Variants in TEX2 observed in about 807,000 individuals in gnomAD.
TEX2 encodes the protein testis expressed 2, also known as testis-expressed protein 2.
TEX2 carries 53 observed loss-of-function variants against 106.9 expected under a neutral mutation model. The ratio of observed to expected loss-of-function variants is 0.50; its 90% CI spans 0.40 to 0.62. TEX2 has a LOEUF of 0.62. Among genes scored for constraint, TEX2 ranks in the 20% least tolerant of loss-of-function variants. The pLI is 0.00. For missense variants in TEX2, 1,207 were observed against 1,379.0 expected (o/e 0.88, Z 1.98); for synonymous variants, 523 against 534.8 (o/e 0.98, Z 0.30).
chr17:64,197,597 C>A (rs924384903), intron 2 of TEX2, among the ~76,000 whole-genome samples: 1 of 152,100 alleles, frequency 6.6e-6, no homozygotes, highest in Non-Finnish European at 1.5e-5. Context: ...CTTTCTCTGT[C>A]ATCCTGGCTG....
intron 1 of TEX2, among the ~76,000 whole-genome samples, chr17:64,222,518 C>CAAAAAAA (rs11296538): frequency 1.8e-4 from 18 of 99,112 alleles, no homozygotes; most frequent in African/African-American, 2.3e-4. Flanking sequence ...TTCCAACTCA[C>CAAAAAAA]AAAAAAAAAA....
rs1201322676 is a variant in TEX2 at position 64,160,982 on chromosome 17, CATGACTATAA to C, written c.2672-59_2672-50del. 4.4e-6 allele frequency: 7 copies of C among 1,590,754 alleles called. No individual in the cohort carries two copies. The African/African-American group carries it at 9.5e-5, about 22-fold the overall frequency. ...AAGGTTTTTTTCCCTCAAAAAAACA[CATGACTATAA>C]ATGACTTACATTTAAAAATATCTAA... On this transcript the variant is annotated intron_variant, in intron 7 of 11. Coordinates refer to ENST00000584379, the MANE Select transcript of TEX2 (RefSeq NM_001288732.2).
intron 7 of TEX2, among the ~76,000 whole-genome samples, 154 bp from the exon 8 acceptor site, chr17:64,161,087 T>C (rs961644985): frequency 2.6e-5 from 4 of 152,176 alleles, no homozygotes; most frequent in Non-Finnish European, 4.4e-5. Context: ...GAGCACATTG[T>C]GCCATCGACA....
intron 11 of TEX2, 121 bp downstream of exon 11, chr17:64,150,720 G>C: frequency 9.3e-7 from 1 of 1,071,558 alleles, no homozygotes. Flanking sequence ...ATACTCTTCC[G>C]GGATGAAGGT....
chr17:64,257,455 C>G (rs1288494255), intron 1 of TEX2, among the ~76,000 whole-genome samples: 1 of 152,228 alleles, frequency 6.6e-6, no homozygotes, highest in Non-Finnish European at 1.5e-5. Context: ...CATAGCCAAC[C>G]AAGTTCTGAA....
At position 64,193,685 on chromosome 17, in the gene TEX2, C is replaced by G; in HGVS notation, c.2050G>C (p.Asp684His). ...CTCCCAAAGAGATAGAGTATCTGAT[C>G]TCGCTGGCTAGATCTTGTTCCCTCC... ...PQEGTRSSQR[D>H]QILYLFGRTG... Residue 684 changes from aspartate to histidine, a missense_variant, in exon 4 of 12, where the codon GAT (aspartate) becomes CAT (histidine). Physicochemically the swap from Asp to His is moderately conservative, Grantham distance 81. Around this residue, in one of 3 missense-constraint regions of TEX2, gnomAD observed 1,067 missense variants for 1,193.6 expected, o/e 0.89. Coordinates refer to ENST00000584379, the MANE Select transcript of TEX2 (RefSeq NM_001288732.2). The G allele has an allele frequency of 1.2e-6, 2 of 1,604,086 alleles. No individual in the cohort carries two copies. The highest frequency in any genetic ancestry group is 8.5e-7 in the Non-Finnish European group (1 of 1,176,074).
intron 1 of TEX2, among the ~76,000 whole-genome samples, chr17:64,218,925 G>A (rs1187768712): frequency 2.0e-5 from 3 of 152,090 alleles, no homozygotes; most frequent in Non-Finnish European, 4.4e-5. Context: ...TCAACCATGA[G>A]CTTCTTCCAA....
chr17:64,211,145 G>C (rs948996473), intron 2 of TEX2, among the ~76,000 whole-genome samples: 1 of 152,076 alleles, frequency 6.6e-6, no homozygotes, highest in African/African-American at 2.4e-5. Flanking sequence ...ATTTTTAGTA[G>C]AGACAGGGTT....
chr17:64,250,118 T>C (rs2034062503), intron 1 of TEX2, among the ~76,000 whole-genome samples: 1 of 152,212 alleles, frequency 6.6e-6, no homozygotes, highest in African/African-American at 2.4e-5. Context: ...CAGCAGTTTC[T>C]GCTCCTAACT....
rs557050493 is a variant in TEX2 at position 64,210,753 on chromosome 17, T to C, written c.1644+1821A>G. On this transcript the variant is annotated intron_variant, in intron 2 of 11. Transcript: ENST00000584379. The stretch of plus-strand genomic sequence containing the variant: ...AATTTAACTAAGAAGCCAAACAAGC[T>C]TTGAATTTGAAAAGCTAAAGATTAA... Among the ~76,000 whole-genome samples the C allele has an allele frequency of 5.9e-5, 9 of 151,288 alleles. No homozygotes were observed. The South Asian group carries it at 1.3e-3, about 21-fold the overall frequency.
intron 1 of TEX2, among the ~76,000 whole-genome samples, chr17:64,248,540 T>C (rs1199125169): frequency 1.3e-5 from 2 of 152,232 alleles, no homozygotes; most frequent in African/African-American, 2.4e-5. Flanking sequence ...AACCAGTCCA[T>C]ATTAAATAAA....
rs1273487001 is a variant in TEX2 at position 64,217,645 on chromosome 17, C to T, written c.-25-3403G>A. Among the ~76,000 whole-genome samples the T allele has an allele frequency of 6.6e-6, 1 of 152,172 alleles. No homozygotes were observed. The highest frequency in any genetic ancestry group is 2.4e-5 in the African/African-American group (1 of 41,432). On this transcript the variant is annotated intron_variant, in intron 1 of 11. Coordinates refer to ENST00000584379, the MANE Select transcript of TEX2 (RefSeq NM_001288732.2). The surrounding 1 kb of genome is among the most constrained non-coding windows in gnomAD (Gnocchi z 4.3). The stretch of plus-strand genomic sequence containing the variant: ...GACAATCTGGTACCATATAAAATGG[C>T]TAGCCTCCTGCCCTCTACTCCTGAA...
intron 5 of TEX2, among the ~76,000 whole-genome samples, chr17:64,180,644 T>C (rs1253077192): frequency 6.6e-6 from 1 of 152,246 alleles, no homozygotes; most frequent in African/African-American, 2.4e-5. Context: ...ATGAAATGTG[T>C]GGAGGATATT....
At chr17:64,210,498 A>C (rs912383098) in intron 2 of TEX2, among the ~76,000 whole-genome samples, 20 of 152,182 alleles carry the variant, frequency 1.3e-4, no homozygotes, top group East Asian at 3.8e-4. Flanking sequence ...TAGTGTGATC[A>C]AAAAATTTTT....
At chr17:64,179,824 C>T (rs1472046138) in intron 5 of TEX2, among the ~76,000 whole-genome samples, 2 of 151,982 alleles carry the variant, frequency 1.3e-5, no homozygotes, top group African/African-American at 2.4e-5. Context: ...TTTCAGAAGA[C>T]ATGGATCTGC....
At chr17:64,150,331 C>G (rs1459022648) in intron 11 of TEX2, 1 of 152,272 alleles carries the variant, frequency 6.6e-6, no homozygotes, top group African/African-American at 2.4e-5. Flanking sequence ...AACTCCCAGA[C>G]TACACTAGAA....
rs2033068445 is a variant in TEX2 at position 64,213,248 on chromosome 17, T to C, written c.970A>G (p.Ser324Gly). The C allele has an allele frequency of 5.6e-6, 9 of 1,614,208 alleles. No individual in the cohort carries two copies. Among genetic ancestry groups the C allele is most frequent in the Non-Finnish European group, 7.6e-6 (9 of 1,180,034 alleles). The change falls in exon 2 of 12, where the codon AGT becomes GGT. Residue 324 changes from serine to glycine, a missense_variant. Coordinates refer to ENST00000584379, the MANE Select transcript of TEX2 (RefSeq NM_001288732.2). The surrounding 1 kb of genome is among the most constrained non-coding windows in gnomAD (Gnocchi z 4.4). ...GACAGATTGGAGAGTTCTGAAGCAC[T>C]TGAAGATAAGGCTTTGGGCCTATGG... ...GSHRPKALSS[S>G]ASELSNLSSL...
intron 1 of TEX2, among the ~76,000 whole-genome samples, chr17:64,244,077 G>A (rs1442467926): frequency 2.0e-5 from 3 of 152,102 alleles, no homozygotes; most frequent in African/African-American, 7.2e-5. Context: ...AAAGTGCTGG[G>A]ATTACAAGTG....
chr17:64,216,512 A>G (rs1478491783), intron 1 of TEX2, among the ~76,000 whole-genome samples: 3 of 152,232 alleles, frequency 2.0e-5, no homozygotes, highest in Non-Finnish European at 4.4e-5. Flanking sequence ...TACAAAGTGC[A>G]TGATTTTGAG....
Sources: allele counts gnomAD v4.1 joint callset (sites outside exome capture counted in the v4.1 genomes callset), GRCh38; gene constraint gnomAD v4.1.1; regional missense constraint gnomAD v4.1.1; non-coding constraint Gnocchi (gnomAD v3.1); transcripts MANE v1.5; gene names NCBI Gene and HGNC (gene_info 2026-07-23, HGNC 2026-07-21).